The following BTG4 variants were observed in gnomAD, a reference collection of about 807,000 sequenced individuals.
BTG4 encodes the protein BTG anti-proliferation factor 4.
Under a neutral mutation model 19.3 loss-of-function variants are expected in BTG4, and 10 were observed. The observed-to-expected ratio is 0.52, with a 90% confidence interval of 0.32 to 0.88. BTG4 has a LOEUF of 0.88. Ranked by LOEUF, BTG4 falls within the 40% of genes least tolerant of loss-of-function variation. The probability of loss-of-function intolerance (pLI) is 0.04; values close to 1 mark genes in which losing one functional copy is unlikely to be tolerated. For missense variants in BTG4, 238 were observed against 281.9 expected, an observed-to-expected ratio of 0.84 and a Z score of 1.11; for synonymous variants, 91 against 95.7, an observed-to-expected ratio of 0.95 and a Z score of 0.29.
the BTG4 span, among the ~76,000 whole-genome samples, chr11:111,409,836 C>T: frequency 6.6e-6 from 1 of 152,160 alleles, no homozygotes; most frequent in Admixed American, 6.5e-5. Context: ...AAGCAATTTC[C>T]TGAAACATTT....
chr11:111,418,555 G>A, the BTG4 span, among the ~76,000 whole-genome samples: 5 of 152,268 alleles, frequency 3.3e-5, no homozygotes, highest in African/African-American at 7.2e-5. Flanking sequence ...TCCAGAGGGC[G>A]GGACCAACGA....
At chr11:111,453,506 C>T in the BTG4 span, 1 of 456,654 alleles carries the variant, frequency 2.2e-6, no homozygotes. Context: ...TACACTTCCC[C>T]AAGAACTGGG....
chr11:111,478,076 C>A (rs1864502670), intron 5 of BTG4, among the ~76,000 whole-genome samples: 1 of 152,198 alleles, frequency 6.6e-6, no homozygotes, highest in South Asian at 2.1e-4. Flanking sequence ...CATCCCCACA[C>A]CTGGCAGTAA....
At chr11:111,470,090 G>A (rs2135525346) in intron 5 of BTG4, 1 of 152,588 alleles carries the variant, frequency 6.6e-6, no homozygotes, top group South Asian at 2.1e-4. Context: ...AGCCACATAT[G>A]ACAATATTTT....
At chr11:111,404,439 C>T in the BTG4 span, among the ~76,000 whole-genome samples, 1 of 152,200 alleles carries the variant, frequency 6.6e-6, no homozygotes, top group Non-Finnish European at 1.5e-5. Context: ...GATGCCTTAC[C>T]TGAAGCAACC....
At chr11:111,470,641 G>A (rs1399861667) in intron 5 of BTG4, among the ~76,000 whole-genome samples, 1 of 152,136 alleles carries the variant, frequency 6.6e-6, no homozygotes, top group African/African-American at 2.4e-5. Flanking sequence ...CTTTTGCCAG[G>A]TGCAGTAGTT....
chr11:111,420,107 A>T, the BTG4 span, among the ~76,000 whole-genome samples: 1 of 152,220 alleles, frequency 6.6e-6, no homozygotes, highest in African/African-American at 2.4e-5. Context: ...ATTAAGCTGT[A>T]GTCCAGTTCT....
chr11:111,423,381 A>C, the BTG4 span, among the ~76,000 whole-genome samples: 2 of 152,224 alleles, frequency 1.3e-5, no homozygotes, highest in Admixed American at 6.5e-5. Flanking sequence ...CCATATCTCC[A>C]TTGTCAAAAC....
intron 1 of BTG4, among the ~76,000 whole-genome samples, chr11:111,510,211 G>T (rs878873426): frequency 6.6e-6 from 1 of 152,010 alleles, no homozygotes; most frequent in Non-Finnish European, 1.5e-5. Flanking sequence ...CCCCCGGCCT[G>T]TCTCCACCTT....
chr11:111,505,965 C>CA (rs1431461512), intron 1 of BTG4, among the ~76,000 whole-genome samples: 1 of 151,844 alleles, frequency 6.6e-6, no homozygotes, highest in Non-Finnish European at 1.5e-5. Flanking sequence ...ATTAAAAAGT[C>CA]AAAAAACAAC....
At chr11:111,419,813 G>A in the BTG4 span, among the ~76,000 whole-genome samples, 1 of 152,212 alleles carries the variant, frequency 6.6e-6, no homozygotes, top group Non-Finnish European at 1.5e-5. Flanking sequence ...GCTTCTGCAG[G>A]GTCATGAGTC....
chr11:111,406,472 A>C, the BTG4 span, among the ~76,000 whole-genome samples: 1 of 152,196 alleles, frequency 6.6e-6, no homozygotes, highest in Admixed American at 6.5e-5. Context: ...GCCTCTGCTC[A>C]CTTTTCAAGA....
At chr11:111,409,591 C>T in the BTG4 span, among the ~76,000 whole-genome samples, 1 of 152,190 alleles carries the variant, frequency 6.6e-6, no homozygotes, top group African/African-American at 2.4e-5. Context: ...CAGCACCATG[C>T]TTCTTTTACA....
the BTG4 span, among the ~76,000 whole-genome samples, chr11:111,426,401 A>G: frequency 2.0e-5 from 3 of 152,216 alleles, no homozygotes; most frequent in South Asian, 2.1e-4. Flanking sequence ...TTGGAAAGAC[A>G]CTTTCTTTGG....
intron 1 of BTG4, among the ~76,000 whole-genome samples, chr11:111,510,157 G>A (rs186471202): frequency 6.3e-4 from 95 of 151,994 alleles, no homozygotes; most frequent in African/African-American, 2.1e-3. Flanking sequence ...TGATCCGCCC[G>A]CCTTGACCTC....
At chr11:111,412,742 C>T in the BTG4 span, among the ~76,000 whole-genome samples, 18 of 152,272 alleles carry the variant, frequency 1.2e-4, no homozygotes, top group African/African-American at 4.3e-4. Flanking sequence ...ACTCAGCTAG[C>T]AAATAGCAAC....
At chr11:111,457,323 G>GA in the BTG4 span, 1 of 152,770 alleles carries the variant, frequency 6.5e-6, no homozygotes, top group East Asian at 1.9e-4. Context: ...CCCCTCTGGA[G>GA]ATGGGGGGCC....
the BTG4 span, chr11:111,397,986 C>T: frequency 6.6e-6 from 1 of 152,144 alleles, no homozygotes; most frequent in Non-Finnish European, 1.5e-5. Flanking sequence ...CTTCCCCTAC[C>T]ACAACCTTAT....
At chr11:111,406,797 A>T in the BTG4 span, among the ~76,000 whole-genome samples, 64 of 152,304 alleles carry the variant, frequency 4.2e-4, no homozygotes, top group Admixed American at 2.4e-3. Context: ...ACCTGAAGCA[A>T]GGCGTTGGTG....
Sources: allele counts gnomAD v4.1 joint callset (sites outside exome capture counted in the v4.1 genomes callset), GRCh38; gene constraint gnomAD v4.1.1; transcripts MANE v1.5; gene names NCBI Gene and HGNC (gene_info 2026-07-23, HGNC 2026-07-21).